LAMC2: variants seen among roughly 807,000 people sequenced by gnomAD.
The protein encoded by LAMC2 is laminin subunit gamma-2.
LAMC2 carries 97 observed loss-of-function variants against 140.2 expected under a neutral mutation model. The ratio of observed to expected loss-of-function variants is 0.69; its 90% CI spans 0.59 to 0.82. LAMC2 has a LOEUF of 0.82. LAMC2 is among the 40% of genes least tolerant of loss of function. The pLI, the probability that LAMC2 is intolerant of heterozygous loss-of-function variation, is 0.00. For missense variants in LAMC2, 1,402 were observed against 1,476.1 expected (o/e 0.95, Z 0.82); for synonymous variants, 513 against 540.2 (o/e 0.95, Z 0.70).
chr1:183,197,016 T>C (rs1157251202), intron 1 of LAMC2, among the ~76,000 whole-genome samples: 1 of 152,156 alleles, frequency 6.6e-6, no homozygotes, highest in Non-Finnish European at 1.5e-5. Context: ...GTGCTTAACT[T>C]CAAAGGAAAG....
At position 183,215,537 on chromosome 1, in the gene LAMC2, C is replaced by G. The variant is rs1437010073; in HGVS notation, c.353C>G (p.Pro118Arg). Reference sequence around the variant, plus strand: ...GGAGCCAGATGCGACCGATGTCTGCCAGGCTTCCACATGCTCACGGATGCG... The same window carrying G: ...GGAGCCAGATGCGACCGATGTCTGCGAGGCTTCCACATGCTCACGGATGCG... ...VTGARCDRCL[P>R]GFHMLTDAGC... Residue 118 changes from proline to arginine, a missense_variant, in exon 3 of 23, where the codon CCA becomes CGA. Coordinates refer to ENST00000264144, the MANE Select transcript of LAMC2 (RefSeq NM_005562.3). The G allele has an allele frequency of 6.2e-7, 1 of 1,614,206 alleles. No individual in the cohort carries two copies. The highest frequency in any genetic ancestry group is 8.5e-7 in the Non-Finnish European group (1 of 1,180,046).
Position 183,205,580 on chromosome 1 carries a change from GATGGTAGTCAAGAAGA to G in LAMC2, c.80-2298_80-2283del, listed in dbSNP as rs1306818859. ...ACTGGAAATTAGAATTTGTTCCTAG[GATGGTAGTCAAGAAGA>G]ATCTAGAAATTATGACATAGGAAGT... is the stretch of plus-strand genomic sequence containing the variant. On this transcript the variant is annotated intron_variant, in intron 1 of 22. Transcript: ENST00000264144. 2.0e-5 allele frequency among the ~76,000 whole-genome samples: 3 copies of G among 152,296 alleles called. No individual in the cohort carries two copies. The East Asian group carries it at 5.8e-4, about 29-fold the overall frequency.
Position 183,208,047 on chromosome 1 carries a change from G to C in LAMC2, c.246G>C (p.Leu82Phe). 6.2e-7 allele frequency: 1 copy of C among 1,614,100 alleles called. No individual in the cohort carries two copies. Among genetic ancestry groups the C allele is most frequent in the Non-Finnish European group, 8.5e-7 (1 of 1,180,012 alleles). ...GGCACAGAGAAAGGGACCGCTGTTT[G>C]CCCTGCAATTGTAACTCCAAAGGTA... is the stretch of plus-strand genomic sequence containing the variant. ...FYRHRERDRC[L>F]PCNCNSKGSL... The change falls in exon 2 of 23, where the codon TTG (leucine) becomes TTC (phenylalanine). Residue 82 changes from leucine to phenylalanine, a missense_variant. Transcript: ENST00000264144.
chr1:183,202,495 A>AT (rs1658740493), intron 1 of LAMC2, among the ~76,000 whole-genome samples: 1 of 152,240 alleles, frequency 6.6e-6, no homozygotes, highest in Admixed American at 6.5e-5. Context: ...GTAAAAGAAA[A>AT]TCTGCAATAA....
chr1:183,237,555 C>A, intron 18 of LAMC2, 51 bp downstream of exon 18: 2 of 1,453,256 alleles, frequency 1.4e-6, no homozygotes, highest in Non-Finnish European at 1.9e-6. Context: ...GAATGCCCAC[C>A]ATATGAATAA....
rs1368739706 is a variant in LAMC2, at chr1:183,188,847, T to C, written c.79+2416T>C. ...GACTGGAGAAGGATTGAGAAAGAGA[T>C]AAGAAAGATACTAGAAACGTAGCCA... On this transcript the variant is annotated intron_variant, in intron 1 of 22. Transcript: ENST00000264144. Among the ~76,000 whole-genome samples the C allele has an allele frequency of 2.6e-5, 4 of 152,154 alleles. No homozygotes were observed. In the East Asian group the frequency reaches 7.7e-4, roughly 29 times the overall value.
chr1:183,215,757 G>T (rs181284682), intron 3 of LAMC2, among the ~76,000 whole-genome samples, 169 bp downstream of exon 3: 1 of 152,144 alleles, frequency 6.6e-6, no homozygotes, highest in African/African-American at 2.4e-5. Context: ...AAGAGGTTGG[G>T]ATTATCATTA....
the LAMC2 span, chr1:183,251,503 T>C: frequency 1.1e-4 from 17 of 152,416 alleles, no homozygotes; most frequent in African/African-American, 2.9e-4. Flanking sequence ...TAGTGTTTTT[T>C]TGTTTTGTTT....
chr1:183,231,029 C>T lies in LAMC2; in HGVS notation c.1783C>T (p.Pro595Ser), dbSNP rs1194962041. ...AAGTGATGGCACCTGTGTTTGCAAG[C>T]CAGGATTTGGTGGCCCCAACTGTGA... The part of the protein sequence containing the change: ...CRSDGTCVCK[P>S]GFGGPNCEHG... Residue 595 changes from proline to serine, a missense_variant, in exon 12 of 23, where the codon CCA (proline) becomes TCA (serine). Physicochemically the swap from Pro to Ser is moderately conservative, Grantham distance 74 (BLOSUM62 -1). Coordinates refer to ENST00000264144, the MANE Select transcript of LAMC2 (RefSeq NM_005562.3). 6.2e-7 allele frequency: 1 copy of T among 1,614,130 alleles called. No individual in the cohort carries two copies. The highest frequency in any genetic ancestry group is 8.5e-7 in the Non-Finnish European group (1 of 1,180,004).
rs1332174430 is a variant in LAMC2, at chr1:183,228,052, A to G, written c.1469-322A>G. 6.6e-6 allele frequency among the ~76,000 whole-genome samples: 1 copy of G among 152,238 alleles called. No homozygotes were observed. The highest frequency in any genetic ancestry group is 1.5e-5 in the Non-Finnish European group (1 of 68,042). ...AAATGTCACATCCTTCTGCTGGTCA[A>G]TCTGAAAGAAGAATGGATTCTTCAG... On this transcript the variant is annotated intron_variant, in intron 10 of 22. Transcript: ENST00000264144. The surrounding 1 kb of genome is among the most constrained non-coding windows in gnomAD (Gnocchi z 4.3).
rs1303010883 is a variant in LAMC2 at position 183,239,495 on chromosome 1, G to T, written c.3001G>T (p.Ala1001Ser). 5 of 1,613,828 alleles carry T rather than the reference G, an allele frequency of 3.1e-6. No homozygotes were observed. The highest frequency in any genetic ancestry group is 2.2e-5 in the South Asian group (2 of 90,974). Residue 1001 changes from alanine to serine, a missense_variant, in exon 20 of 23, where the codon GCT becomes TCT. By Grantham distance (99) the Ala-to-Ser change is moderately conservative. Coordinates refer to ENST00000264144, the MANE Select transcript of LAMC2 (RefSeq NM_005562.3). Reference sequence around the variant, plus strand: ...AGCAGAAAGAGCCCTGGGGAGCGCTGCTGCTGATGCACAGAGGGCAAAGAA... The same window carrying T: ...AGCAGAAAGAGCCCTGGGGAGCGCTTCTGCTGATGCACAGAGGGCAAAGAA... ...QQAERALGSA[A>S]ADAQRAKNGA...
At chr1:183,229,498 G>A (rs1200070566) in intron 11 of LAMC2, among the ~76,000 whole-genome samples, 4 of 151,906 alleles carry the variant, frequency 2.6e-5, no homozygotes, top group Non-Finnish European at 5.9e-5. Context: ...TTAGCTGGAC[G>A]TGGTGGTGGG....
At chr1:183,240,525 C>T (rs1057194795) in intron 22 of LAMC2, 134 bp downstream of exon 22, 13 of 1,468,262 alleles carry the variant, frequency 8.9e-6, no homozygotes, top group African/African-American at 1.4e-5. Context: ...GCTTTGTTTC[C>T]AGGCCCAGAT....
At chr1:183,213,582 A>G (rs1434319131) in intron 2 of LAMC2, among the ~76,000 whole-genome samples, 5 of 151,658 alleles carry the variant, frequency 3.3e-5, no homozygotes, top group South Asian at 2.1e-4. Flanking sequence ...CTGGTGGATC[A>G]TGAGGTCAGG....
rs1276184361 is a variant in LAMC2 at position 183,240,470 on chromosome 1, C to A, written c.3328+79C>A. The A allele has an allele frequency of 4.5e-6, 7 of 1,572,876 alleles. No individual in the cohort carries two copies. In the Admixed American group the frequency reaches 9.4e-5, roughly 21 times the overall value. ...CCAGAACACTCACTATACCTAGCCC[C>A]AGCAAAGGGGAGTCTCAGCTTTCCT... is the stretch of plus-strand genomic sequence containing the variant. On this transcript the variant is annotated intron_variant, in intron 22 of 22. Coordinates refer to ENST00000264144, the MANE Select transcript of LAMC2 (RefSeq NM_005562.3).
At position 183,227,508 on chromosome 1, in the gene LAMC2, C is replaced by T. The variant is rs1399087041; in HGVS notation, c.1286-7C>T. 3 of 1,611,834 alleles carry T rather than the reference C, an allele frequency of 1.9e-6. No individual in the cohort carries two copies. The highest frequency in any genetic ancestry group is 2.5e-6 in the Non-Finnish European group (3 of 1,178,008). ...TCTCTGCCCCTCCACTCTTCTCCTACCCCCAGGAGATTGTTATTCAGGGGA... is the reference window on the plus strand; with the variant it reads ...TCTCTGCCCCTCCACTCTTCTCCTATCCCCAGGAGATTGTTATTCAGGGGA... On this transcript the variant is annotated splice_polypyrimidine_tract_variant and splice_region_variant and intron_variant, in intron 9 of 22. Coordinates refer to ENST00000264144, the MANE Select transcript of LAMC2 (RefSeq NM_005562.3).
rs371632343 is a variant in LAMC2 at position 183,226,689 on chromosome 1, C to G, written c.1067-9C>G. 1 of 1,609,790 alleles carries G rather than the reference C, an allele frequency of 6.2e-7. No individual in the cohort carries two copies. Among genetic ancestry groups the G allele is most frequent in the South Asian group, 1.1e-5 (1 of 91,002 alleles). The stretch of plus-strand genomic sequence containing the variant: ...ACTTGCAACTTCTAACCTGTTCTCT[C>G]GATTGCAGGTACTGGGTACATTGAC... On this transcript the variant is annotated splice_polypyrimidine_tract_variant and intron_variant, in intron 8 of 22. Coordinates refer to ENST00000264144, the MANE Select transcript of LAMC2 (RefSeq NM_005562.3).
In LAMC2 at chr1:183,226,682, G is replaced by GTTC. The variant is rs1311275110; in HGVS notation, c.1067-14_1067-12dup. On this transcript the variant is annotated splice_polypyrimidine_tract_variant and intron_variant, in intron 8 of 22. Transcript: ENST00000264144. Reference sequence around the variant, plus strand: ...CTGTACCACTTGCAACTTCTAACCTGTTCTCTCGATTGCAGGTACTGGGTA... The same window carrying GTTC: ...CTGTACCACTTGCAACTTCTAACCTGTTCTTCTCTCGATTGCAGGTACTGGGTA... 4 of 1,609,964 alleles carry GTTC rather than the reference G, an allele frequency of 2.5e-6. No homozygotes were observed. The East Asian group carries it at 8.9e-5, about 36-fold the overall frequency.
intron 8 of LAMC2, 107 bp downstream of exon 8, chr1:183,225,827 TGATCC>T: frequency 1.3e-6 from 1 of 742,768 alleles, no homozygotes; most frequent in Non-Finnish European, 2.4e-6. Context: ...AGTTACTTGA[TGATCC>T]TGACTTAGAA....
Sources: gnomAD v4.1 joint callset for allele counts (sites outside exome capture counted in the v4.1 genomes callset) on GRCh38, gnomAD v4.1.1 for gene constraint, Gnocchi (gnomAD v3.1) non-coding constraint, MANE v1.5 for transcripts, NCBI Gene and HGNC (gene_info 2026-07-23, HGNC 2026-07-21) for gene names.